KALRN: variants seen among roughly 807,000 people sequenced by gnomAD.
KALRN encodes the protein kalirin RhoGEF kinase, also known as kalirin.
Under a neutral mutation model 353.7 loss-of-function variants are expected in KALRN, and 70 were observed. That is an observed-to-expected ratio of 0.20 (90% confidence interval 0.16 to 0.24). KALRN has a LOEUF of 0.24. Ranked by LOEUF, KALRN falls within the 10% of genes least tolerant of loss-of-function variation. The probability of loss-of-function intolerance (pLI) is 1.00; values close to 1 mark genes in which losing one functional copy is unlikely to be tolerated. For missense variants in KALRN, 2,791 were observed against 3,756.7 expected (o/e 0.74, Z 6.72); for synonymous variants, 1,391 against 1,434.8 (o/e 0.97, Z 0.69).
intron 10 of KALRN, among the ~76,000 whole-genome samples, chr3:124,356,175 G>A (rs1042219855): frequency 6.6e-6 from 1 of 151,462 alleles, no homozygotes. Context: ...CATTCCCCTC[G>A]ACCCCTGCCA....
At chr3:124,090,282 T>G (rs2061040599) in intron 1 of KALRN, among the ~76,000 whole-genome samples, 1 of 152,068 alleles carries the variant, frequency 6.6e-6, no homozygotes, top group Admixed American at 6.6e-5. Flanking sequence ...TTCCATGAGC[T>G]GGGCATGCCT....
At chr3:124,162,913 T>A (rs1346525869) in intron 1 of KALRN, 4 of 152,216 alleles carry the variant, frequency 2.6e-5, no homozygotes, top group Non-Finnish European at 5.9e-5. Context: ...AGGAGGCCCA[T>A]GATGGAGATG....
chr3:124,220,639 G>A (rs1344245563), intron 1 of KALRN, among the ~76,000 whole-genome samples: 1 of 152,164 alleles, frequency 6.6e-6, no homozygotes, highest in Non-Finnish European at 1.5e-5. Context: ...TTTCTACACA[G>A]AAGAGACCAG....
chr3:124,531,920 G>A (rs867076790), intron 33 of KALRN, among the ~76,000 whole-genome samples: 3 of 152,182 alleles, frequency 2.0e-5, no homozygotes, highest in Admixed American at 6.5e-5. Context: ...CAGTGCTAAC[G>A]TCAATGTTTA....
intron 25 of KALRN, 69 bp from the exon 26 acceptor site, chr3:124,474,592 GGC>G: frequency 8.6e-7 from 1 of 1,161,172 alleles, no homozygotes; most frequent in Non-Finnish European, 1.3e-6. Flanking sequence ...TGGTTGTGCT[GGC>G]CTCAGTGCAA....
chr3:124,555,464 A>G (rs993069143), intron 33 of KALRN, among the ~76,000 whole-genome samples: 3 of 142,018 alleles, frequency 2.1e-5, no homozygotes, highest in Non-Finnish European at 4.6e-5. Flanking sequence ...TAAATAAATA[A>G]AGTTATCTTG....
At chr3:124,110,681 C>T (rs1025850197) in intron 1 of KALRN, among the ~76,000 whole-genome samples, 2 of 152,118 alleles carry the variant, frequency 1.3e-5, no homozygotes, top group African/African-American at 4.8e-5. Context: ...CCCTGGGATA[C>T]CACCAGTCCA....
intron 33 of KALRN, among the ~76,000 whole-genome samples, chr3:124,522,987 A>G (rs1028718420): frequency 6.6e-6 from 1 of 152,206 alleles, no homozygotes; most frequent in African/African-American, 2.4e-5. Context: ...GTATTTCATT[A>G]TTTGTCTATC....
chr3:124,466,173 T>C (rs930724596), intron 25 of KALRN, among the ~76,000 whole-genome samples: 4 of 152,100 alleles, frequency 2.6e-5, no homozygotes, highest in Non-Finnish European at 4.4e-5. Flanking sequence ...GTTTAATATG[T>C]AGAATTTAAT....
chr3:124,691,296 C>T (rs71323881), intron 51 of KALRN, among the ~76,000 whole-genome samples: 1,631 of 152,148 alleles, frequency 0.011, 19 homozygotes, highest in South Asian at 0.028. Flanking sequence ...GGCATGGTGG[C>T]GCATGCCTGT....
intron 1 of KALRN, among the ~76,000 whole-genome samples, chr3:124,126,726 G>A (rs1173322754): frequency 6.6e-6 from 1 of 152,164 alleles, no homozygotes; most frequent in East Asian, 1.9e-4. Context: ...AAATGAAATG[G>A]TCCAAGCTCT....
At chr3:124,684,953 A>G (rs968685256) in intron 51 of KALRN, among the ~76,000 whole-genome samples, 15 of 152,032 alleles carry the variant, frequency 9.9e-5, no homozygotes, top group African/African-American at 3.4e-4. Context: ...CTCCCCGCCA[A>G]CTACCACATC....
chr3:124,565,566 G>A (rs1444149547), intron 34 of KALRN, among the ~76,000 whole-genome samples: 1 of 152,234 alleles, frequency 6.6e-6, no homozygotes, highest in East Asian at 1.9e-4. Flanking sequence ...GTCCAGTTGA[G>A]AGACCCATCT....
chr3:124,169,309 G>C (rs987625427), intron 1 of KALRN, among the ~76,000 whole-genome samples: 4 of 152,118 alleles, frequency 2.6e-5, no homozygotes, highest in African/African-American at 9.7e-5. Flanking sequence ...TAAGCTTGTT[G>C]GCTCTCTGTG....
At chr3:124,517,712 G>A (rs1027856540) in intron 33 of KALRN, among the ~76,000 whole-genome samples, 1 of 152,138 alleles carries the variant, frequency 6.6e-6, no homozygotes, top group Non-Finnish European at 1.5e-5. Flanking sequence ...CCCTCAGCCA[G>A]CCTTGCAGTC....
chr3:124,348,131 T>C (rs1457376992), intron 10 of KALRN, among the ~76,000 whole-genome samples: 1 of 152,188 alleles, frequency 6.6e-6, no homozygotes, highest in Non-Finnish European at 1.5e-5. Flanking sequence ...TTAGCTGCCA[T>C]GTAAAACAAA....
At chr3:124,227,216 G>A (rs2078612341) in intron 1 of KALRN, among the ~76,000 whole-genome samples, 1 of 152,128 alleles carries the variant, frequency 6.6e-6, no homozygotes, top group Non-Finnish European at 1.5e-5. Flanking sequence ...CCCCCTAACA[G>A]GAACTCAACT....
At chr3:124,277,802 T>G (rs2074913966) in intron 5 of KALRN, among the ~76,000 whole-genome samples, 1 of 152,148 alleles carries the variant, frequency 6.6e-6, no homozygotes, top group South Asian at 2.1e-4. Context: ...TGAACTGCTG[T>G]GTGTAAAAAG....
chr3:124,385,103 G>A, intron 11 of KALRN, 67 bp downstream of exon 11: 8 of 1,411,700 alleles, frequency 5.7e-6, no homozygotes, highest in Non-Finnish European at 6.7e-6. Context: ...CTAGTAAAAT[G>A]GCCCTGAAGG....
Sources: gnomAD v4.1 joint callset for allele counts (sites outside exome capture counted in the v4.1 genomes callset) on GRCh38, gnomAD v4.1.1 for gene constraint, MANE v1.5 for transcripts, NCBI Gene and HGNC (gene_info 2026-07-23, HGNC 2026-07-21) for gene names.